The following CEP72 variants were observed in gnomAD, a reference collection of about 807,000 sequenced individuals.
CEP72 encodes the protein centrosomal protein of 72 kDa.
In CEP72, 78 loss-of-function variants were observed where a neutral mutation model predicts 65.7. That is an observed-to-expected ratio of 1.19 (90% CI 0.99 to 1.43). The LOEUF (loss-of-function observed/expected upper bound fraction) is 1.43, where lower values mean the gene tolerates loss of function less well. Ranked by LOEUF, CEP72 falls within the 40% of genes most tolerant of loss-of-function variation. CEP72 has a pLI of 0.00. For synonymous variants in CEP72, 358 were observed against 351.7 expected, an observed-to-expected ratio of 1.02 and a Z score of -0.20; for missense variants, 914 against 832.9, an observed-to-expected ratio of 1.10 and a Z score of -1.20.
At chr5:626,003 C>T (rs1039557280) in intron 4 of CEP72, among the ~76,000 whole-genome samples, 7 of 149,056 alleles carry the variant, frequency 4.7e-5, no homozygotes, top group East Asian at 4.0e-4. Context: ...GGTTGCATTC[C>T]GAGGCACTGG....
chr5:646,367 C>G (rs1319649263), intron 10 of CEP72, among the ~76,000 whole-genome samples: 1 of 152,196 alleles, frequency 6.6e-6, no homozygotes, highest in Non-Finnish European at 1.5e-5. Context: ...CGCCCTAACC[C>G]TTTGCCTTAC....
At chr5:675,309 AGG>A in the CEP72 span, among the ~76,000 whole-genome samples, 1 of 25,866 alleles carries the variant, frequency 3.9e-5, no homozygotes, top group African/African-American at 1.6e-4. Flanking sequence ...GCAGCGTGGG[AGG>A]TACAGTGTGG....
rs1005818387 is a variant in CEP72, at chr5:623,715, T to C, written c.404-756T>C. 3.3e-5 allele frequency among the ~76,000 whole-genome samples: 5 copies of C among 151,974 alleles called. No homozygotes were observed. The East Asian group carries it at 7.7e-4, about 24-fold the overall frequency. On this transcript the variant is annotated intron_variant, in intron 3 of 11. Coordinates refer to ENST00000264935, the MANE Select transcript of CEP72 (RefSeq NM_018140.4). The surrounding 1 kb of genome is among the most constrained non-coding windows in gnomAD (Gnocchi z 5.3). ...GCACGTGTCTCCTGAGGGTGCCCTG[T>C]GTGCTGGGTGGAGAGTGCCCCAGGT...
downstream of CEP72, among the ~76,000 whole-genome samples, chr5:654,016 T>C (rs1379508423): frequency 1.2e-5 from 1 of 83,514 alleles, no homozygotes; most frequent in Non-Finnish European, 2.2e-5. Context: ...GTGTGCTGTG[T>C]GTGCGCTAGT....
downstream of CEP72, among the ~76,000 whole-genome samples, chr5:655,262 G>C (rs959943758): frequency 2.0e-5 from 3 of 152,086 alleles, no homozygotes; most frequent in African/African-American, 7.2e-5. This position sits in a 1 kb window ranked among gnomAD's most constrained non-coding sequence, Gnocchi z 5.0. Context: ...GGGGGGCTGA[G>C]GCAGGAGAAT....
chr5:665,644 C>A, intron 3 of CEP72, among the ~76,000 whole-genome samples: 1 of 124,264 alleles, frequency 8.0e-6, no homozygotes, highest in African/African-American at 2.7e-5. Flanking sequence ...CCAAGCCTCC[C>A]CAGGACCCCC....
intron 3 of CEP72, 37 bp downstream of exon 3, chr5:620,298 C>T (rs1736302564): frequency 3.8e-6 from 6 of 1,583,842 alleles, no homozygotes; most frequent in Middle Eastern, 1.7e-4. Context: ...TGCTTTTGTC[C>T]CCGTGGGGTA....
intron 9 of CEP72, chr5:641,580 C>G (rs1197147839): frequency 6.1e-6 from 6 of 984,104 alleles, no homozygotes; most frequent in African/African-American, 3.5e-5. Flanking sequence ...GTGGCCCCCC[C>G]ACCCCGCCTG....
chr5:663,427 C>T (rs1739764157), exon 2 of CEP72: 1 of 152,554 alleles, frequency 6.6e-6, no homozygotes, highest in Middle Eastern at 3.4e-3. Context: ...CACTGAACTT[C>T]CCAGCCCTGC....
At position 614,634 on chromosome 5, in the gene CEP72, T is replaced by C. The variant is rs1254603396; in HGVS notation, c.82+2191T>C. ...CCTCGGCCTCCCAAAGTGCTGGGAT[T>C]ACAGGCATGATCCACCGCGCCCGGC... On this transcript the variant is annotated intron_variant, in intron 1 of 11. Coordinates refer to ENST00000264935, the MANE Select transcript of CEP72 (RefSeq NM_018140.4). Among the ~76,000 whole-genome samples the C allele has an allele frequency of 2.0e-5, 3 of 152,054 alleles. No homozygotes were observed. The East Asian group carries it at 5.8e-4, about 29-fold the overall frequency.
chr5:612,734 C>T (rs1735755145), intron 1 of CEP72: 1 of 729,518 alleles, frequency 1.4e-6, no homozygotes, highest in Admixed American at 6.3e-5. Context: ...AGGGAGCCGG[C>T]CTTGCTGTCC....
intron 10 of CEP72, among the ~76,000 whole-genome samples, chr5:644,763 C>T (rs1435290323): frequency 1.3e-5 from 2 of 152,164 alleles, no homozygotes; most frequent in Non-Finnish European, 2.9e-5. Flanking sequence ...TGTCTGGCGT[C>T]CTCCCATGGT....
chr5:616,998 G>A (rs1276290507), intron 1 of CEP72, among the ~76,000 whole-genome samples: 1 of 152,026 alleles, frequency 6.6e-6, no homozygotes, highest in Admixed American at 6.6e-5. Context: ...TGTGAACAGT[G>A]TGTGTGGTTG....
intron 3 of CEP72, 78 bp downstream of exon 3, chr5:620,339 T>G (rs1736307621): frequency 8.0e-7 from 1 of 1,247,980 alleles, no homozygotes; most frequent in Non-Finnish European, 1.2e-6. Context: ...TGGGTGTCTG[T>G]GTGCTCAACG....
chr5:642,825 A>T, intron 9 of CEP72: 1 of 985,458 alleles, frequency 1.0e-6, no homozygotes, highest in Non-Finnish European at 1.2e-6. Context: ...AGGGAGGCCC[A>T]CATCTGTCAC....
At chr5:656,557 G>A (rs1028083049), downstream of CEP72, among the ~76,000 whole-genome samples, 2 of 152,106 alleles carry the variant, frequency 1.3e-5, no homozygotes, top group Non-Finnish European at 2.9e-5. Context: ...TTAAAAATGT[G>A]CTTGGATTTC....
chr5:670,039 C>T (rs1207150891), downstream of CEP72, among the ~76,000 whole-genome samples: 2 of 152,222 alleles, frequency 1.3e-5, no homozygotes, highest in South Asian at 2.1e-4. Context: ...TGCTCATACA[C>T]GATGCCCTGC....
At chr5:654,053 C>T (rs540199756), downstream of CEP72, among the ~76,000 whole-genome samples, 801 of 130,648 alleles carry the variant, frequency 6.1e-3, 11 homozygotes, top group Middle Eastern at 0.047. Context: ...TGTGTGCTAG[C>T]TGTGTGTGTG....
Position 642,809 on chromosome 5 carries a change from C to T in CEP72, c.1540-1490C>T, listed in dbSNP as rs913940950. On this transcript the variant is annotated intron_variant, in intron 9 of 11. Transcript: ENST00000264935. ...CAGCCGTGCAGGCTGGTGGGCACTGCTTTCCAGGGAGGCCCACATCTGTCA... is the reference window on the plus strand; with the variant it reads ...CAGCCGTGCAGGCTGGTGGGCACTGTTTTCCAGGGAGGCCCACATCTGTCA... The T allele has an allele frequency of 1.6e-5, 16 of 985,486 alleles. No individual in the cohort carries two copies. The African/African-American group carries it at 2.1e-4, about 13-fold the overall frequency. The allele number at this position is 985,486 out of a possible 1,614,324, so 61.0% of individuals were successfully genotyped here. A position where few individuals can be genotyped will look rare whatever the true frequency, so the allele number is the denominator to read the frequency against.
Sources: allele counts gnomAD v4.1 joint callset (sites outside exome capture counted in the v4.1 genomes callset), GRCh38; gene constraint gnomAD v4.1.1; non-coding constraint Gnocchi (gnomAD v3.1); transcripts MANE v1.5; gene names NCBI Gene and HGNC (gene_info 2026-07-23, HGNC 2026-07-21).